Variants in AKAP9 observed in about 807,000 individuals in gnomAD.
AKAP9 encodes A-kinase anchor protein 9.
In AKAP9, 311 loss-of-function variants were observed where a neutral mutation model predicts 488.5. The ratio of observed to expected loss-of-function variants is 0.64; its 90% CI spans 0.58 to 0.70. The LOEUF (loss-of-function observed/expected upper bound fraction) is 0.70. Ranked by LOEUF, AKAP9 falls within the 30% of genes least tolerant of loss-of-function variation. The probability of loss-of-function intolerance (pLI) is 0.00; values close to 1 mark genes in which losing one functional copy is unlikely to be tolerated. For missense variants in AKAP9, 4,215 were observed against 4,374.5 expected (o/e 0.96, Z 1.03); for synonymous variants, 1,462 against 1,483.5 (o/e 0.99, Z 0.33).
intron 1 of AKAP9, among the ~76,000 whole-genome samples, chr7:91,963,106 A>G (rs1336077469): frequency 6.6e-6 from 1 of 152,144 alleles, no homozygotes; most frequent in Non-Finnish European, 1.5e-5. Flanking sequence ...TTTTTAAACA[A>G]TGCACCTAGA....
chr7:92,070,277 G>T, intron 27 of AKAP9, 71 bp downstream of exon 27: 2 of 1,466,028 alleles, frequency 1.4e-6, no homozygotes, highest in East Asian at 2.3e-5. Flanking sequence ...TCAACTTCTT[G>T]TAGGTATTAT....
intron 32 of AKAP9, 78 bp from the exon 33 acceptor site, chr7:92,083,092 C>T (rs1813871529): frequency 1.3e-6 from 2 of 1,533,740 alleles, no homozygotes. Flanking sequence ...TTACATTCCT[C>T]CCACACCCTT....
At position 92,029,976 on chromosome 7, in the gene AKAP9, T is replaced by G. The variant is rs1390402540; in HGVS notation, c.4230T>G (p.Ile1410Met). 1.9e-6 allele frequency: 3 copies of G among 1,605,934 alleles called. No individual in the cohort carries two copies. The African/African-American group carries it at 4.0e-5, about 21-fold the overall frequency. The change falls in exon 15 of 50, where the codon ATT becomes ATG. Residue 1410 changes from isoleucine (I) to methionine (M), a missense_variant. Around this residue, in one of 5 missense-constraint regions of AKAP9, gnomAD observed 2,361 missense variants for 2,430.0 expected, o/e 0.97. Transcript: ENST00000356239. ...CTGGAAGTTGTGTGAAAAAGAATAT[T>G]GATGGTACAATAGAGGTATTATATT... is the stretch of plus-strand genomic sequence containing the variant. ...MYPGSCVKKN[I>M]DGTIEFSGEF...
At chr7:92,070,872 T>A (rs764737802) in intron 27 of AKAP9, 33 bp from the exon 28 acceptor site, 14 of 1,407,490 alleles carry the variant, frequency 9.9e-6, no homozygotes, top group Non-Finnish European at 1.4e-5. Context: ...ATTTAATTTA[T>A]CAAATTTTGA....
chr7:91,945,162 A>G (rs1020062900), intron 1 of AKAP9, among the ~76,000 whole-genome samples: 1 of 152,146 alleles, frequency 6.6e-6, no homozygotes, highest in African/African-American at 2.4e-5. Context: ...GAGGTTCTAG[A>G]TCAGCCTGGG....
At chr7:91,984,629 A>C (rs1796837804) in intron 3 of AKAP9, among the ~76,000 whole-genome samples, 1 of 152,118 alleles carries the variant, frequency 6.6e-6, no homozygotes, top group Admixed American at 6.6e-5. Flanking sequence ...TTTTGGTTCC[A>C]TATGAACTTT....
chr7:91,956,742 T>C (rs989633918), intron 1 of AKAP9, among the ~76,000 whole-genome samples: 7 of 152,302 alleles, frequency 4.6e-5, no homozygotes, highest in Admixed American at 4.6e-4. Context: ...AAAGCAGAAA[T>C]GGAAGTCAAA....
chr7:91,987,187 G>A (rs1440998328), intron 3 of AKAP9, among the ~76,000 whole-genome samples: 1 of 152,170 alleles, frequency 6.6e-6, no homozygotes, highest in African/African-American at 2.4e-5. Flanking sequence ...GGAGGCCAAA[G>A]TGGGCGGATC....
At chr7:92,036,994 T>C (rs1805306178) in intron 16 of AKAP9, among the ~76,000 whole-genome samples, 1 of 152,188 alleles carries the variant, frequency 6.6e-6, no homozygotes, top group South Asian at 2.1e-4. Context: ...AGAAACAGAA[T>C]GGCATATAAT....
intron 18 of AKAP9, 24 bp downstream of exon 18, chr7:92,040,922 C>G: frequency 6.4e-7 from 1 of 1,570,344 alleles, no homozygotes; most frequent in Non-Finnish European, 8.7e-7. Flanking sequence ...AGTCCCCTTT[C>G]TCTCCCCAGT....
At chr7:91,970,083 T>C (rs1794866302) in intron 1 of AKAP9, among the ~76,000 whole-genome samples, 1 of 152,140 alleles carries the variant, frequency 6.6e-6, no homozygotes. Flanking sequence ...TTTATTATAG[T>C]TTTTGGCATT....
chr7:92,028,518 GAAGA>G (rs1037308010), intron 14 of AKAP9, among the ~76,000 whole-genome samples: 2 of 152,070 alleles, frequency 1.3e-5, no homozygotes, highest in Non-Finnish European at 2.9e-5. Flanking sequence ...AAAGGGCAGA[GAAGA>G]AAGACAAGGG....
At chr7:92,034,932 T>G (rs1489885294) in intron 16 of AKAP9, among the ~76,000 whole-genome samples, 1 of 152,182 alleles carries the variant, frequency 6.6e-6, no homozygotes, top group East Asian at 1.9e-4. Context: ...GTTTCATTGT[T>G]GTTTTTATTG....
intron 7 of AKAP9, chr7:91,996,044 A>G: frequency 2.4e-6 from 1 of 422,838 alleles, no homozygotes. Context: ...ATACAAATTT[A>G]TAGCTATAGT....
intron 26 of AKAP9, among the ~76,000 whole-genome samples, chr7:92,068,633 A>G (rs971982628): frequency 6.6e-6 from 1 of 151,788 alleles, no homozygotes; most frequent in African/African-American, 2.4e-5. Flanking sequence ...ATTTTATTGT[A>G]CCTACATTGT....
In AKAP9 at chr7:92,002,393, A is replaced by G. The variant is rs747826953; in HGVS notation, c.2476A>G (p.Ile826Val). Residue 826 changes from isoleucine (I) to valine (V), a missense_variant, in exon 8 of 50, where the codon ATA becomes GTA. Around this residue, in one of 5 missense-constraint regions of AKAP9, gnomAD observed 2,361 missense variants for 2,430.0 expected, o/e 0.97. Coordinates refer to ENST00000356239, the MANE Select transcript of AKAP9 (RefSeq NM_005751.5). ...GTGGGAAAAAGAAATAGAAATACTTATAGAGGAAAATGAGGACCTCAAACA... is the reference window on the plus strand; with the variant it reads ...GTGGGAAAAAGAAATAGAAATACTTGTAGAGGAAAATGAGGACCTCAAACA... ...SVWEKEIEIL[I>V]EENEDLKQQC... is the part of the protein sequence containing the mutation. 11 of 1,610,962 alleles carry G rather than the reference A, an allele frequency of 6.8e-6. No individual in the cohort carries two copies. In the South Asian group the frequency reaches 1.0e-4, roughly 15 times the overall value.
At chr7:92,025,502 A>G (rs1187698630) in intron 14 of AKAP9, among the ~76,000 whole-genome samples, 1 of 152,256 alleles carries the variant, frequency 6.6e-6, no homozygotes, top group African/African-American at 2.4e-5. Flanking sequence ...CATGACTGTA[A>G]CACATTTTGA....
In AKAP9 at chr7:91,993,089, C is replaced by T. The variant is rs186223058; in HGVS notation, c.576+34C>T. 2,056 of 1,612,172 alleles carry T rather than the reference C, an allele frequency of 1.3e-3. 45 individuals are homozygous for T. In the Admixed American group the frequency reaches 0.032, roughly 25 times the overall value. The stretch of plus-strand genomic sequence containing the variant: ...ATTTTCTGTGGCTTTTGATTTGCTA[C>T]TCACAAAAACAAAAACAGGAAATGT... On this transcript the variant is annotated intron_variant, in intron 5 of 49. Coordinates refer to ENST00000356239, the MANE Select transcript of AKAP9 (RefSeq NM_005751.5).
Position 91,992,256 on chromosome 7 carries a change from T to G in AKAP9, c.405+45T>G, listed in dbSNP as rs376736925. On this transcript the variant is annotated intron_variant, in intron 4 of 49. Coordinates refer to ENST00000356239, the MANE Select transcript of AKAP9 (RefSeq NM_005751.5). ...TTGTGATACTAATGTTGGATACTAT[T>G]TAAAATCATCTGGCTTACTAACAAA... is the stretch of plus-strand genomic sequence containing the variant. 1.1e-5 allele frequency: 15 copies of G among 1,413,196 alleles called. No homozygotes were observed. In the African/African-American group the frequency reaches 2.1e-4, roughly 20 times the overall value. 87.5% of individuals were successfully genotyped at this position (1,413,196 alleles called of 1,614,324 possible). A position where few individuals can be genotyped will look rare whatever the true frequency, so the allele number is the denominator to read the frequency against.
Sources: gnomAD v4.1 joint callset for allele counts (sites outside exome capture counted in the v4.1 genomes callset) on GRCh38, gnomAD v4.1.1 for gene constraint, gnomAD v4.1.1 regional missense constraint, MANE v1.5 for transcripts, NCBI Gene and HGNC (gene_info 2026-07-23, HGNC 2026-07-21) for gene names.